Variants in MAGI2 observed in about 807,000 individuals in gnomAD.
MAGI2 encodes membrane-associated guanylate kinase, WW and PDZ domain-containing protein 2.
In MAGI2, 35 loss-of-function variants were observed where a neutral mutation model predicts 133.3. The observed-to-expected ratio is 0.26, with a 90% confidence interval of 0.20 to 0.35. The LOEUF is 0.35. MAGI2 is among the 10% of genes least tolerant of loss of function. The pLI, the probability that MAGI2 is intolerant of heterozygous loss-of-function variation, is 1.00. For missense variants in MAGI2, 1,636 were observed against 1,863.4 expected, an observed-to-expected ratio of 0.88 and a Z score of 2.25; for synonymous variants, 729 against 710.6, an observed-to-expected ratio of 1.03 and a Z score of -0.41.
At chr7:78,066,124 A>G (rs1037989127) in intron 21 of MAGI2, among the ~76,000 whole-genome samples, 1 of 152,206 alleles carries the variant, frequency 6.6e-6, no homozygotes, top group African/African-American at 2.4e-5. Context: ...ATAATCTCAT[A>G]AATTCATAGA....
chr7:79,204,200 T>C (rs1015139619), intron 1 of MAGI2, among the ~76,000 whole-genome samples: 5 of 152,048 alleles, frequency 3.3e-5, no homozygotes, highest in African/African-American at 1.2e-4. Flanking sequence ...GGCTGATTCT[T>C]GCATATTAAG....
At chr7:78,806,892 TAAAATAA>T in intron 2 of MAGI2, among the ~76,000 whole-genome samples, 1 of 149,164 alleles carries the variant, frequency 6.7e-6, no homozygotes, top group East Asian at 2.0e-4. Context: ...TAAAATAAAA[TAAAATAA>T]AATAAAATAA....
At chr7:79,274,577 A>G (rs1355223631) in intron 1 of MAGI2, among the ~76,000 whole-genome samples, 2 of 91,586 alleles carry the variant, frequency 2.2e-5, no homozygotes, top group African/African-American at 5.8e-5. Context: ...TATATATTAT[A>G]TTATATATTT....
At chr7:78,402,702 A>T (rs1472147892) in intron 6 of MAGI2, among the ~76,000 whole-genome samples, 2 of 152,234 alleles carry the variant, frequency 1.3e-5, no homozygotes, top group African/African-American at 2.4e-5. Context: ...CAACCAACTA[A>T]TTTTAATTCT....
intron 2 of MAGI2, among the ~76,000 whole-genome samples, chr7:78,651,055 ACT>A (rs1173418237): frequency 1.3e-5 from 2 of 152,212 alleles, no homozygotes; most frequent in East Asian, 1.9e-4. Flanking sequence ...CTTGAAAAAT[ACT>A]CTGTTATCCT....
chr7:79,090,200 T>G (rs1041930425), intron 1 of MAGI2, among the ~76,000 whole-genome samples: 12 of 152,028 alleles, frequency 7.9e-5, no homozygotes, highest in Non-Finnish European at 1.2e-4. Context: ...TAATTAATTA[T>G]GTAATTGCAT....
chr7:78,061,774 G>A (rs1813298155), intron 21 of MAGI2, among the ~76,000 whole-genome samples: 1 of 152,138 alleles, frequency 6.6e-6, no homozygotes, highest in African/African-American at 2.4e-5. Context: ...GAGAGTTGAA[G>A]ACCCCAGAGG....
At chr7:79,115,251 G>A (rs1231096787) in intron 1 of MAGI2, among the ~76,000 whole-genome samples, 1 of 152,162 alleles carries the variant, frequency 6.6e-6, no homozygotes, top group Non-Finnish European at 1.5e-5. Flanking sequence ...CAGAGAAAGG[G>A]AAAGGAATAT....
At chr7:78,269,443 CTGT>C (rs763436765) in intron 9 of MAGI2, among the ~76,000 whole-genome samples, 15 of 152,282 alleles carry the variant, frequency 9.9e-5, no homozygotes, top group Non-Finnish European at 2.2e-4. Context: ...TCTCCAGCAT[CTGT>C]TGTTTACTAA....
chr7:79,427,743 G>C (rs142752806), intron 1 of MAGI2, among the ~76,000 whole-genome samples: 1 of 152,260 alleles, frequency 6.6e-6, no homozygotes, highest in East Asian at 1.9e-4. Context: ...TAGAGGTTGT[G>C]CAGTACGGAA....
At chr7:79,053,897 G>A (rs897352759) in intron 1 of MAGI2, among the ~76,000 whole-genome samples, 1 of 152,050 alleles carries the variant, frequency 6.6e-6, no homozygotes, top group Non-Finnish European at 1.5e-5. Flanking sequence ...AATTTTTTGT[G>A]TTATAAATAT....
At chr7:78,267,892 A>G (rs1383454380) in intron 9 of MAGI2, among the ~76,000 whole-genome samples, 3 of 152,152 alleles carry the variant, frequency 2.0e-5, no homozygotes, top group Admixed American at 2.0e-4. Flanking sequence ...CACGGAGGAA[A>G]ACAATCTAAT....
At chr7:78,024,361 G>T (rs1339384415) in intron 21 of MAGI2, among the ~76,000 whole-genome samples, 3 of 152,238 alleles carry the variant, frequency 2.0e-5, no homozygotes, top group Admixed American at 2.0e-4. Context: ...CTGTACACTG[G>T]TATATCCATC....
chr7:78,672,572 G>A lies in MAGI2; in HGVS notation c.419-45333C>T, dbSNP rs1237338135. Among the ~76,000 whole-genome samples the A allele has an allele frequency of 2.6e-5, 4 of 152,296 alleles. No individual in the cohort carries two copies. In the South Asian group the frequency reaches 6.2e-4, roughly 24 times the overall value. On this transcript the variant is annotated intron_variant, in intron 2 of 21. Transcript: ENST00000354212. ...CCAAAATGGCTGGTTTCATCTATCT[G>A]AATAAACTGTTGAGACATGTAATAA...
At chr7:79,086,611 A>G (rs1816518718) in intron 1 of MAGI2, among the ~76,000 whole-genome samples, 1 of 151,302 alleles carries the variant, frequency 6.6e-6, no homozygotes, top group Admixed American at 6.6e-5. Context: ...TTAATGGAGG[A>G]TTGGATTTTT....
chr7:79,397,661 C>G (rs960978124), intron 1 of MAGI2, among the ~76,000 whole-genome samples: 16 of 152,058 alleles, frequency 1.1e-4, no homozygotes, highest in African/African-American at 3.9e-4. Flanking sequence ...TAATGACTAT[C>G]TCATATACTT....
At chr7:78,731,976 G>T (rs1307381295) in intron 2 of MAGI2, among the ~76,000 whole-genome samples, 1 of 151,880 alleles carries the variant, frequency 6.6e-6, no homozygotes, top group Non-Finnish European at 1.5e-5. Flanking sequence ...GAAGTGAAAA[G>T]GTGAAGGAAG....
chr7:78,539,906 G>A (rs12534034), intron 3 of MAGI2, among the ~76,000 whole-genome samples: 52,298 of 152,122 alleles, frequency 0.34, 10,166 homozygotes, highest in South Asian at 0.44. Context: ...CAGACTCAGG[G>A]CCTCGGGTTC....
chr7:78,873,195 A>T (rs76045496), intron 2 of MAGI2, among the ~76,000 whole-genome samples: 1 of 152,208 alleles, frequency 6.6e-6, no homozygotes, highest in Admixed American at 6.5e-5. Context: ...TATGTGTAAA[A>T]GGCAGTCTGC....
Sources: allele counts gnomAD v4.1 joint callset (sites outside exome capture counted in the v4.1 genomes callset), GRCh38; gene constraint gnomAD v4.1.1; transcripts MANE v1.5; gene names NCBI Gene and HGNC (gene_info 2026-07-23, HGNC 2026-07-21).